CDK6: variants seen among roughly 807,000 people sequenced by gnomAD.
CDK6 encodes the protein cyclin dependent kinase 6.
CDK6 carries 6 observed loss-of-function variants against 37.1 expected under a neutral mutation model. That is an observed-to-expected ratio of 0.16 (90% confidence interval 0.09 to 0.32). The LOEUF is 0.32. Among genes scored for constraint, CDK6 ranks in the 10% least tolerant of loss-of-function variants. The probability of loss-of-function intolerance (pLI) is 1.00; values close to 1 mark genes in which losing one functional copy is unlikely to be tolerated. For synonymous variants in CDK6, 160 were observed against 161.3 expected (o/e 0.99, Z 0.06); for missense variants, 224 against 418.9 (o/e 0.53, Z 4.06).
At chr7:92,753,489 T>C (rs1483529429) in intron 3 of CDK6, among the ~76,000 whole-genome samples, 1 of 152,148 alleles carries the variant, frequency 6.6e-6, no homozygotes, top group Non-Finnish European at 1.5e-5. Context: ...AAGAAGATTA[T>C]CTTATTTATT....
chr7:92,809,898 T>C lies in CDK6; in HGVS notation c.233+23193A>G, dbSNP rs570846171. Among the ~76,000 whole-genome samples, 4 of 152,310 alleles carry C rather than the reference T, an allele frequency of 2.6e-5. No homozygotes were observed. The East Asian group carries it at 7.7e-4, about 29-fold the overall frequency. On this transcript the variant is annotated intron_variant, in intron 2 of 7. Coordinates refer to ENST00000424848, the MANE Select transcript of CDK6 (RefSeq NM_001145306.2). ...GAAGTGCTGAGTCATCGTGAGCATA[T>C]GCAACATCCTCGTCAGCACTTCTGG... is the stretch of plus-strand genomic sequence containing the variant.
chr7:92,683,711 G>C (rs551531114), intron 4 of CDK6, among the ~76,000 whole-genome samples: 53 of 147,012 alleles, frequency 3.6e-4, no homozygotes, highest in African/African-American at 1.3e-3. Flanking sequence ...GACTGTGGTG[G>C]GGGGGGGGTC....
intron 3 of CDK6, among the ~76,000 whole-genome samples, chr7:92,763,826 G>A (rs2115735480): frequency 6.6e-6 from 1 of 152,270 alleles, no homozygotes; most frequent in East Asian, 1.9e-4. Context: ...TTGGGAGTAT[G>A]TCTTAAGCTG....
rs540359081 is a variant in CDK6 at position 92,736,490 on chromosome 7, G to A, written c.370-10697C>T. 8.5e-5 allele frequency among the ~76,000 whole-genome samples: 13 copies of A among 152,320 alleles called. No homozygotes were observed. The East Asian group carries it at 2.5e-3, about 29-fold the overall frequency. ...GCGCTAGGCACTGAGTAAGCACCAA[G>A]GAGGGAGCAGCATCTAAGCCAATCT... On this transcript the variant is annotated intron_variant, in intron 3 of 7. Transcript: ENST00000424848.
At chr7:92,753,818 T>C (rs1169362902) in intron 3 of CDK6, among the ~76,000 whole-genome samples, 2 of 152,172 alleles carry the variant, frequency 1.3e-5, no homozygotes, top group Non-Finnish European at 2.9e-5. Flanking sequence ...TTCAATGAGG[T>C]AGGAGGACCC....
intron 5 of CDK6, among the ~76,000 whole-genome samples, chr7:92,643,209 CA>C (rs1271373119): frequency 6.6e-6 from 1 of 152,144 alleles, no homozygotes; most frequent in Non-Finnish European, 1.5e-5. Flanking sequence ...TTAAAAAATA[CA>C]AATGAACTAA....
intron 4 of CDK6, among the ~76,000 whole-genome samples, chr7:92,706,526 A>G (rs1209760685): frequency 6.6e-6 from 1 of 152,242 alleles, no homozygotes; most frequent in East Asian, 1.9e-4. Context: ...TCCTTCGTGA[A>G]AAACAATTTT....
At chr7:92,617,024 C>G (rs990811148) in intron 7 of CDK6, among the ~76,000 whole-genome samples, 4 of 152,128 alleles carry the variant, frequency 2.6e-5, no homozygotes, top group Non-Finnish European at 5.9e-5. Flanking sequence ...GTTTAATTGC[C>G]AAATAGTTTA....
At chr7:92,708,707 G>A (rs1476858869) in intron 4 of CDK6, among the ~76,000 whole-genome samples, 1 of 152,178 alleles carries the variant, frequency 6.6e-6, no homozygotes, top group Admixed American at 6.5e-5. Context: ...AGATTCATCT[G>A]AATTACAATT....
intron 4 of CDK6, among the ~76,000 whole-genome samples, chr7:92,720,107 C>G (rs776637475): frequency 6.6e-6 from 1 of 152,118 alleles, no homozygotes; most frequent in East Asian, 1.9e-4. Context: ...AAAAGAAAAC[C>G]AGGAGGCACC....
At chr7:92,754,872 C>T (rs953095138) in intron 3 of CDK6, among the ~76,000 whole-genome samples, 9 of 152,156 alleles carry the variant, frequency 5.9e-5, no homozygotes, top group Non-Finnish European at 1.3e-4. Context: ...TGGAGCCCAC[C>T]AATTTTAACT....
At chr7:92,815,233 C>T (rs1800997414) in intron 2 of CDK6, among the ~76,000 whole-genome samples, 1 of 150,426 alleles carries the variant, frequency 6.6e-6, no homozygotes, top group Non-Finnish European at 1.5e-5. Flanking sequence ...GAGAGTTTTT[C>T]CACATCCTGA....
chr7:92,785,628 T>C (rs1006682824), intron 2 of CDK6, among the ~76,000 whole-genome samples: 5 of 152,120 alleles, frequency 3.3e-5, no homozygotes, highest in African/African-American at 9.7e-5. Context: ...ACAAAGACAG[T>C]AAGTAGTGGA....
chr7:92,678,027 T>C (rs993369730), intron 4 of CDK6, among the ~76,000 whole-genome samples: 2 of 152,246 alleles, frequency 1.3e-5, no homozygotes, highest in Admixed American at 1.3e-4. Flanking sequence ...GAGCAGAAGC[T>C]TATTTTTATT....
intron 3 of CDK6, among the ~76,000 whole-genome samples, chr7:92,745,987 A>G (rs1435896973): frequency 6.6e-6 from 1 of 152,216 alleles, no homozygotes; most frequent in Non-Finnish European, 1.5e-5. Flanking sequence ...TGTGAATTAT[A>G]TGAGATATAC....
chr7:92,625,009 G>C (rs1376159926), intron 5 of CDK6, among the ~76,000 whole-genome samples: 1 of 151,834 alleles, frequency 6.6e-6, no homozygotes, highest in Non-Finnish European at 1.5e-5. Flanking sequence ...GGTCTGTTTG[G>C]CGATGGACTG....
chr7:92,674,852 G>A (rs191655217), intron 4 of CDK6, among the ~76,000 whole-genome samples: 2 of 152,124 alleles, frequency 1.3e-5, no homozygotes, highest in East Asian at 1.9e-4. Context: ...TTTCTTTTTA[G>A]ACAGGGTCTT....
intron 7 of CDK6, among the ~76,000 whole-genome samples, chr7:92,615,806 G>A (rs573635881): frequency 5.1e-4 from 78 of 152,186 alleles, no homozygotes; most frequent in Non-Finnish European, 5.9e-4. Flanking sequence ...TGGTGCCTGC[G>A]CTTAAGAAGC....
intron 6 of CDK6, among the ~76,000 whole-genome samples, chr7:92,622,659 G>A (rs1197194500): frequency 6.6e-6 from 1 of 152,090 alleles, no homozygotes; most frequent in Non-Finnish European, 1.5e-5. Flanking sequence ...ACTCAGTGGG[G>A]ACAGGAAGCT....
Sources: allele counts gnomAD v4.1 joint callset (sites outside exome capture counted in the v4.1 genomes callset), GRCh38; gene constraint gnomAD v4.1.1; transcripts MANE v1.5; gene names NCBI Gene and HGNC (gene_info 2026-07-23, HGNC 2026-07-21).